The following AK4 variants were observed in gnomAD, a reference collection of about 807,000 sequenced individuals.
AK4 encodes adenylate kinase 4, also known as adenylate kinase 4, mitochondrial.
In AK4, 13 loss-of-function variants were observed where a neutral mutation model predicts 24.6. The ratio of observed to expected loss-of-function variants is 0.53; its 90% CI spans 0.34 to 0.84. The LOEUF is 0.84. Ranked by LOEUF, AK4 falls within the 40% of genes least tolerant of loss-of-function variation. AK4 has a pLI of 0.01. For missense variants in AK4, 192 were observed against 288.2 expected (o/e 0.67, Z 2.42); for synonymous variants, 88 against 107.0 (o/e 0.82, Z 1.10).
At chr1:65,180,800 A>G (rs182596334) in intron 1 of AK4, among the ~76,000 whole-genome samples, 7 of 152,282 alleles carry the variant, frequency 4.6e-5, no homozygotes, top group East Asian at 1.9e-4. Context: ...AGATGCGTGT[A>G]TGTGTGTGCG....
chr1:65,155,036 A>G (rs980603939), intron 1 of AK4, among the ~76,000 whole-genome samples: 1 of 151,774 alleles, frequency 6.6e-6, no homozygotes, highest in African/African-American at 2.4e-5. Context: ...TTTTTAATAG[A>G]GACGGGGTTT....
chr1:65,218,442 T>C (rs1652197474), intron 2 of AK4, among the ~76,000 whole-genome samples: 1 of 152,230 alleles, frequency 6.6e-6, no homozygotes, highest in South Asian at 2.1e-4. Flanking sequence ...GTCTTCCAAA[T>C]GCAGAAGCTA....
intron 1 of AK4, among the ~76,000 whole-genome samples, chr1:65,150,753 T>C (rs954599833): frequency 6.6e-6 from 1 of 152,074 alleles, no homozygotes; most frequent in Non-Finnish European, 1.5e-5. Context: ...ACCCAGGAAA[T>C]AGAACCGTGT....
intron 1 of AK4, among the ~76,000 whole-genome samples, chr1:65,186,622 A>G (rs1416920589): frequency 6.6e-6 from 1 of 152,236 alleles, no homozygotes; most frequent in Non-Finnish European, 1.5e-5. Flanking sequence ...TGCAAAATAC[A>G]CATTTTGGTC....
rs538999916 is a variant in AK4, at chr1:65,183,232, T to A, written c.146-7478T>A. Among the ~76,000 whole-genome samples the A allele has an allele frequency of 2.0e-5, 3 of 152,264 alleles. No individual in the cohort carries two copies. The South Asian group carries it at 6.2e-4, about 32-fold the overall frequency. ...TTTTGTATTTTGGATCTTTACATAT[T>A]TATTTATTTTTTCTTTCCTTTGTTT... On this transcript the variant is annotated intron_variant, in intron 1 of 4. Coordinates refer to ENST00000327299, the MANE Select transcript of AK4 (RefSeq NM_013410.4).
intron 2 of AK4, among the ~76,000 whole-genome samples, chr1:65,216,521 A>C (rs192412302): frequency 2.0e-5 from 3 of 152,302 alleles, no homozygotes; most frequent in Admixed American, 1.3e-4. Flanking sequence ...AGTGAAGATA[A>C]CTTTGGAAGC....
At chr1:65,221,392 T>A (rs910477565) in intron 3 of AK4, among the ~76,000 whole-genome samples, 8 of 152,140 alleles carry the variant, frequency 5.3e-5, no homozygotes, top group African/African-American at 1.9e-4. Context: ...GTCAGTAAAG[T>A]CCCAGTGAGA....
In AK4 at chr1:65,161,316, G is replaced by A. The variant is rs560119373; in HGVS notation, c.145+12764G>A. On this transcript the variant is annotated intron_variant, in intron 1 of 4. Transcript: ENST00000327299. ...GTCCCAGCATTAGGTATGGGGAGGC[G>A]TGCAAAAAAGTAAAACTTGTTCTCT... Among the ~76,000 whole-genome samples, 298 of 152,118 alleles carry A rather than the reference G, an allele frequency of 2.0e-3. 1 individual carries two copies. The highest frequency in any genetic ancestry group is 6.9e-3 in the African/African-American group (287 of 41,506).
chr1:65,162,878 A>C (rs1570071874), intron 1 of AK4, among the ~76,000 whole-genome samples: 3 of 152,172 alleles, frequency 2.0e-5, no homozygotes, highest in Admixed American at 2.0e-4. Context: ...CCTATTCTGG[A>C]TAGTTGTATG....
intron 2 of AK4, among the ~76,000 whole-genome samples, chr1:65,197,701 A>T (rs2051092): frequency 0.4 from 60,842 of 152,022 alleles, 12,744 homozygotes; most frequent in East Asian, 0.67. Context: ...TAGGTGTATG[A>T]TCAGAAACTA....
intron 2 of AK4, among the ~76,000 whole-genome samples, chr1:65,207,457 G>T (rs1651845499): frequency 6.6e-6 from 1 of 152,104 alleles, no homozygotes; most frequent in East Asian, 1.9e-4. Context: ...CAGGAAGTGG[G>T]TTCTAGAGCT....
At chr1:65,173,144 G>A (rs559910141) in intron 1 of AK4, among the ~76,000 whole-genome samples, 31 of 152,242 alleles carry the variant, frequency 2.0e-4, no homozygotes, top group Admixed American at 4.6e-4. Flanking sequence ...GATTGCAGGC[G>A]TGAGTCACTG....
intron 1 of AK4, 135 bp from the exon 2 acceptor site, chr1:65,190,575 T>G: frequency 9.7e-7 from 1 of 1,027,074 alleles, no homozygotes. Flanking sequence ...TTTAAAAACT[T>G]AAAACATGTC....
At chr1:65,168,039 C>A (rs1210253936) in intron 1 of AK4, among the ~76,000 whole-genome samples, 1 of 152,020 alleles carries the variant, frequency 6.6e-6, no homozygotes, top group African/African-American at 2.4e-5. Flanking sequence ...ATTTCTAATT[C>A]TTTTTCAGCC....
chr1:65,169,026 A>G (rs1650423456), intron 1 of AK4, among the ~76,000 whole-genome samples: 1 of 152,056 alleles, frequency 6.6e-6, no homozygotes, highest in African/African-American at 2.4e-5. Context: ...AATAAAAACA[A>G]TTAGCCAGCT....
At chr1:65,218,004 C>T (rs1297894373) in intron 2 of AK4, among the ~76,000 whole-genome samples, 1 of 152,136 alleles carries the variant, frequency 6.6e-6, no homozygotes, top group Non-Finnish European at 1.5e-5. Flanking sequence ...CATCATCTCA[C>T]ATAGGTATGA....
rs1228158607 is a variant in AK4 at position 65,232,016 on chromosome 1, C to T, written c.*5839C>T. ...GTGTATGTGCTTCCAAGTATCTAAA[C>T]CTCCAGTCTGATCTGTATATGCTAT... On this transcript the variant is annotated 3_prime_UTR_variant, in exon 5 of 5. Transcript: ENST00000327299. 15 of 152,124 alleles carry T rather than the reference C, an allele frequency of 9.9e-5. No homozygotes were observed. The highest frequency in any genetic ancestry group is 9.8e-4 in the Admixed American group (15 of 15,264). 9.4% of individuals were successfully genotyped at this position (152,124 alleles called of 1,614,324 possible). A position where few individuals can be genotyped will look rare whatever the true frequency, so the allele number is the denominator to read the frequency against.
chr1:65,218,644 T>G (rs1652202926), intron 2 of AK4, 110 bp from the exon 3 acceptor site: 19 of 1,067,852 alleles, frequency 1.8e-5, no homozygotes, highest in Non-Finnish European at 2.4e-5. Flanking sequence ...AGTGTAAAGC[T>G]CCTTTTAGAA....
chr1:65,209,178 G>A (rs1370065363), intron 2 of AK4, among the ~76,000 whole-genome samples: 1 of 152,204 alleles, frequency 6.6e-6, no homozygotes, highest in East Asian at 1.9e-4. Context: ...TGGTGTGGAA[G>A]CATGATAAAG....
Sources: gnomAD v4.1 joint callset for allele counts (sites outside exome capture counted in the v4.1 genomes callset) on GRCh38, gnomAD v4.1.1 for gene constraint, MANE v1.5 for transcripts, NCBI Gene and HGNC (gene_info 2026-07-23, HGNC 2026-07-21) for gene names.